The following COP1 variants were observed in gnomAD, a reference collection of about 807,000 sequenced individuals.
COP1 encodes COP1 E3 ubiquitin ligase.
In COP1, 24 loss-of-function variants were observed where a neutral mutation model predicts 101.3. The observed-to-expected ratio is 0.24, with a 90% CI of 0.17 to 0.33. The LOEUF is 0.33. Ranked by LOEUF, COP1 falls within the 10% of genes least tolerant of loss-of-function variation. The pLI is 1.00. For missense variants in COP1, 663 were observed against 906.2 expected (o/e 0.73, Z 3.45); for synonymous variants, 347 against 341.9 (o/e 1.01, Z -0.17).
chr1:175,960,732 A>G (rs1405266636), intron 18 of COP1, among the ~76,000 whole-genome samples: 1 of 152,230 alleles, frequency 6.6e-6, no homozygotes, highest in Non-Finnish European at 1.5e-5. Flanking sequence ...TAACTTAGCC[A>G]TTAGAAACTG....
chr1:176,101,378 T>C (rs570881222), intron 9 of COP1, among the ~76,000 whole-genome samples: 1 of 152,316 alleles, frequency 6.6e-6, no homozygotes, highest in African/African-American at 2.4e-5. Flanking sequence ...CCCTTTTGAA[T>C]GCATCCTGAA....
chr1:175,965,504 A>G (rs1651897881), intron 18 of COP1, among the ~76,000 whole-genome samples: 1 of 151,776 alleles, frequency 6.6e-6, no homozygotes, highest in Non-Finnish European at 1.5e-5. Context: ...TTTCTAGTAC[A>G]TCTTTTAAAA....
In COP1 at chr1:176,181,736, G is replaced by A. The variant is rs145901151; in HGVS notation, c.467+2897C>T. Among the ~76,000 whole-genome samples, 1,183 of 152,146 alleles carry A rather than the reference G, an allele frequency of 7.8e-3. 11 individuals are homozygous for A. Among genetic ancestry groups the A allele is most frequent in the Non-Finnish European group, 0.013 (862 of 67,982 alleles). ...CACGCCTGTAATCCCAGCTACTCGG[G>A]AGGCTGAGGCAGGAGAATCGCTGGA... On this transcript the variant is annotated intron_variant, in intron 2 of 19. Coordinates refer to ENST00000367669, the MANE Select transcript of COP1 (RefSeq NM_022457.7).
chr1:175,991,597 T>C (rs1446493263), intron 15 of COP1, among the ~76,000 whole-genome samples: 1 of 152,198 alleles, frequency 6.6e-6, no homozygotes, highest in African/African-American at 2.4e-5. Flanking sequence ...CTTTATAAAC[T>C]TAAAAAATTT....
chr1:175,995,981 T>C (rs1660054519), intron 15 of COP1, among the ~76,000 whole-genome samples: 1 of 152,092 alleles, frequency 6.6e-6, no homozygotes, highest in Admixed American at 6.6e-5. Context: ...TGATGAACAT[T>C]GATGCAAAAA....
rs1028269251 is a variant in COP1, at chr1:176,043,732, C to G, written c.1508G>C (p.Gly503Ala). Reference sequence around the variant, plus strand: ...TACCTGATAGACCTTTGACCTCTGTCCTGTGAATCCATCCCATAAAATAAC... The same window carrying G: ...TACCTGATAGACCTTTGACCTCTGTGCTGTGAATCCATCCCATAAAATAAC... ...GTVILWDGFT[G>A]QRSKVYQEHE... is the part of the protein sequence containing the mutation. The change falls in exon 13 of 20, where the codon GGA (glycine) becomes GCA (alanine). Residue 503 changes from glycine (G) to alanine (A), a missense_variant. Around this residue, in one of 4 missense-constraint regions of COP1, gnomAD observed 209 missense variants for 383.3 expected, o/e 0.55. Coordinates refer to ENST00000367669, the MANE Select transcript of COP1 (RefSeq NM_022457.7). 1 of 1,603,592 alleles carries G rather than the reference C, an allele frequency of 6.2e-7. No individual in the cohort carries two copies. The highest frequency in any genetic ancestry group is 1.3e-5 in the African/African-American group (1 of 74,648).
At chr1:176,206,361 C>T (rs748188959) in intron 1 of COP1, 10 of 568,840 alleles carry the variant, frequency 1.8e-5, no homozygotes, top group Non-Finnish European at 2.8e-5. Flanking sequence ...CTTTATTATC[C>T]CCACCCTGCC....
rs138889919 is a variant in COP1 at position 176,153,726 on chromosome 1, G to C, written c.763-4652C>G. ...ATTTAATGATGTTGGCTGTGGGTTT[G>C]TCACAGATGGCCCTTATTATTTTGC... On this transcript the variant is annotated intron_variant, in intron 5 of 19. Transcript: ENST00000367669. 5.2e-3 allele frequency among the ~76,000 whole-genome samples: 787 copies of C among 152,290 alleles called. 9 individuals are homozygous for C. Among genetic ancestry groups the C allele is most frequent in the African/African-American group, 0.018 (750 of 41,570 alleles).
At chr1:176,022,883 T>C (rs1057331313) in intron 15 of COP1, among the ~76,000 whole-genome samples, 8 of 152,230 alleles carry the variant, frequency 5.3e-5, no homozygotes, top group Non-Finnish European at 1.2e-4. Flanking sequence ...AGACATGAAT[T>C]AGATTCCATC....
intron 2 of COP1, among the ~76,000 whole-genome samples, 169 bp downstream of exon 2, chr1:176,184,464 C>T (rs572513203): frequency 6.8e-4 from 104 of 152,142 alleles, no homozygotes; most frequent in African/African-American, 2.5e-3. Flanking sequence ...ATGCGCCAGC[C>T]ATTATGTTAA....
At chr1:176,198,266 T>C (rs1699909621) in intron 1 of COP1, among the ~76,000 whole-genome samples, 1 of 152,200 alleles carries the variant, frequency 6.6e-6, no homozygotes, top group Admixed American at 6.5e-5. Flanking sequence ...CAAAACAGTG[T>C]GGCACTTGTG....
Position 176,207,016 on chromosome 1 carries a change from A to G in COP1, c.-38T>C, listed in dbSNP as rs1324403771. 73 of 1,359,166 alleles carry G rather than the reference A, an allele frequency of 5.4e-5. 1 individual carries two copies. Among genetic ancestry groups the G allele is most frequent in the Non-Finnish European group, 6.6e-5 (70 of 1,059,134 alleles). The allele number at this position is 1,359,166 out of a possible 1,614,324, so 84.2% of individuals were successfully genotyped here. A position where few individuals can be genotyped will look rare whatever the true frequency, so the allele number is the denominator to read the frequency against. On this transcript the variant is annotated 5_prime_UTR_variant, in exon 1 of 20. Transcript: ENST00000367669. ...CCCTCCAGCCGGGCGCTCGGAGGAG[A>G]GGGACCGCGACCTCGACCCTCCGCC...
intron 18 of COP1, among the ~76,000 whole-genome samples, chr1:175,980,475 G>A (rs1222665335): frequency 6.6e-6 from 1 of 152,086 alleles, no homozygotes; most frequent in Admixed American, 6.6e-5. Context: ...TGAAAACAAA[G>A]GTGCACAGTT....
intron 14 of COP1, among the ~76,000 whole-genome samples, chr1:176,031,371 G>A (rs1221091887): frequency 2.6e-5 from 4 of 152,214 alleles, no homozygotes; most frequent in African/African-American, 7.2e-5. Flanking sequence ...TAAATGAGGC[G>A]ATCCTCAAAA....
At chr1:176,072,084 A>G (rs907304829) in intron 11 of COP1, among the ~76,000 whole-genome samples, 1 of 152,228 alleles carries the variant, frequency 6.6e-6, no homozygotes, top group African/African-American at 2.4e-5. Context: ...GAATTACCAT[A>G]GAAGTAGAAA....
intron 15 of COP1, among the ~76,000 whole-genome samples, chr1:176,019,497 A>AATG (rs1364583389): frequency 2.2e-5 from 3 of 139,128 alleles, no homozygotes; most frequent in African/African-American, 7.9e-5. Context: ...TAATAATAAT[A>AATG]ATAATAATAA....
chr1:176,168,432 G>GGAAGGAAGAAAGGGAA (rs1455144338), intron 3 of COP1, among the ~76,000 whole-genome samples: 3 of 147,510 alleles, frequency 2.0e-5, no homozygotes, highest in Non-Finnish European at 4.5e-5. Flanking sequence ...GGGAAAGGAA[G>GGAAGGAAGAAAGGGAA]GAAGGAAGAA....
chr1:175,988,437 AACTT>A, intron 16 of COP1, 25 bp from the exon 17 acceptor site: 2 of 1,551,990 alleles, frequency 1.3e-6, no homozygotes, highest in Non-Finnish European at 1.7e-6. Flanking sequence ...AAAGAGTAAG[AACTT>A]ACTTAAAATT....
intron 1 of COP1, among the ~76,000 whole-genome samples, chr1:176,194,384 A>G (rs1699428686): frequency 6.6e-6 from 1 of 152,234 alleles, no homozygotes; most frequent in African/African-American, 2.4e-5. Context: ...TCACACCTCT[A>G]ATCCCAGCAC....
Sources: allele counts gnomAD v4.1 joint callset (sites outside exome capture counted in the v4.1 genomes callset), GRCh38; gene constraint gnomAD v4.1.1; regional missense constraint gnomAD v4.1.1; transcripts MANE v1.5; gene names NCBI Gene and HGNC (gene_info 2026-07-23, HGNC 2026-07-21).